Variants in KHDC4 observed in about 807,000 individuals in gnomAD.
KHDC4 encodes the protein KH domain containing 4, pre-mRNA splicing factor, also known as KH homology domain-containing protein 4.
In KHDC4, 19 loss-of-function variants were observed where a neutral mutation model predicts 74.5. The ratio of observed to expected loss-of-function variants is 0.26; its 90% CI spans 0.18 to 0.37. The LOEUF (loss-of-function observed/expected upper bound fraction) is 0.37. Among genes scored for constraint, KHDC4 ranks in the 10% least tolerant of loss-of-function variants. The pLI, the probability that KHDC4 is intolerant of heterozygous loss-of-function variation, is 1.00. For synonymous variants in KHDC4, 253 were observed against 266.1 expected, an observed-to-expected ratio of 0.95 and a Z score of 0.48; for missense variants, 632 against 754.1, an observed-to-expected ratio of 0.84 and a Z score of 1.90.
rs1009352433 is a variant in KHDC4, at chr1:155,914,188, A to G, written c.1778T>C (p.Leu593Ser). 16 of 1,614,082 alleles carry G rather than the reference A, an allele frequency of 9.9e-6. No individual in the cohort carries two copies. Among genetic ancestry groups the G allele is most frequent in the Admixed American group, 3.3e-5 (2 of 59,988 alleles). The part of the protein sequence containing the change: ...NASSFPQGWS[L>S]GYQYPSSQPR... ...TTGTGATGAAGGATATTGGTATCCC[A>G]AACTCCAGCCCTGTGGAAAACTACT... The change falls in exon 14 of 14, where the codon TTG becomes TCG. Residue 593 changes from leucine to serine, a missense_variant. By Grantham distance (145) the Leu-to-Ser change is moderately radical. This residue lies in a region of KHDC4 where 41 missense variants were observed against 66.0 expected (regional missense o/e 0.62). Transcript: ENST00000368321.
Position 155,913,962 on chromosome 1 carries a change from G to A in KHDC4, c.*159C>T. 1.6e-6 allele frequency: 1 copy of A among 613,798 alleles called. No homozygotes were observed. Among genetic ancestry groups the A allele is most frequent in the South Asian group, 2.1e-5 (1 of 48,410 alleles). The allele number at this position is 613,798 out of a possible 1,614,324, so 38.0% of individuals were successfully genotyped here. A position where few individuals can be genotyped will look rare whatever the true frequency, so the allele number is the denominator to read the frequency against. On this transcript the variant is annotated 3_prime_UTR_variant, in exon 14 of 14. Coordinates refer to ENST00000368321, the MANE Select transcript of KHDC4 (RefSeq NM_014949.4). ...CACTGCAGAAATAAGGATTTTTGTG[G>A]TTGTTAAGGAACCCCTTTAAGAAAG...
chr1:155,919,581 T>C (rs1271260415), intron 10 of KHDC4, among the ~76,000 whole-genome samples: 1 of 151,616 alleles, frequency 6.6e-6, no homozygotes, highest in African/African-American at 2.4e-5. Context: ...GAGTCTGAGG[T>C]GGGCGGATCA....
chr1:155,914,394 T>A, intron 13 of KHDC4, 74 bp from the exon 14 acceptor site: 1 of 1,217,556 alleles, frequency 8.2e-7, no homozygotes, highest in Non-Finnish European at 1.2e-6. Flanking sequence ...ATTCGTTAAT[T>A]AAAAAAAAGA....
intron 4 of KHDC4, among the ~76,000 whole-genome samples, chr1:155,927,835 CACA>C (rs1674046767): frequency 1.7e-3 from 16 of 9,218 alleles, no homozygotes; most frequent in African/African-American, 4.1e-3. Flanking sequence ...AAAAAAACCA[CACA>C]CACACACACA....
intron 2 of KHDC4, among the ~76,000 whole-genome samples, chr1:155,931,620 T>C (rs970014838): frequency 3.3e-5 from 5 of 152,160 alleles, no homozygotes; most frequent in Non-Finnish European, 7.3e-5. Context: ...AGACAGGGTT[T>C]CACCATGTTG....
chr1:155,932,026 T>C (rs1364128774), intron 2 of KHDC4, among the ~76,000 whole-genome samples: 2 of 152,202 alleles, frequency 1.3e-5, no homozygotes, highest in African/African-American at 2.4e-5. Context: ...CTAATGTGAC[T>C]AAAGGTCTAA....
intron 4 of KHDC4, among the ~76,000 whole-genome samples, chr1:155,928,243 G>A (rs535849947): frequency 2.0e-5 from 3 of 151,700 alleles, no homozygotes; most frequent in African/African-American, 4.8e-5. Context: ...GTGTGGTGGC[G>A]CATGCTTGTA....
At chr1:155,914,419 G>C in intron 13 of KHDC4, 99 bp from the exon 14 acceptor site, 1 of 1,002,488 alleles carries the variant, frequency 1.0e-6, no homozygotes. Flanking sequence ...AATTTTAAGT[G>C]GTTAGTTGGA....
Position 155,914,241 on chromosome 1 carries a change from C to G in KHDC4, c.1725G>C (p.Glu575Asp). 1 of 1,614,044 alleles carries G rather than the reference C, an allele frequency of 6.2e-7. No homozygotes were observed. Among genetic ancestry groups the G allele is most frequent in the Non-Finnish European group, 8.5e-7 (1 of 1,179,958 alleles). Residue 575 changes from glutamate to aspartate, a missense_variant, in exon 14 of 14, where the codon GAG (glutamate) becomes GAC (aspartate). By Grantham distance (45) the Glu-to-Asp change is conservative (BLOSUM62 2). Coordinates refer to ENST00000368321, the MANE Select transcript of KHDC4 (RefSeq NM_014949.4). ...CATTTTTATGACCTCCATGTTCCTC[C>G]TCTTCATCAGATGAATCTGCAGCAT... ...VAYAADSSDE[E>D]EEHGGHKNAS...
intron 5 of KHDC4, 40 bp from the exon 6 acceptor site, chr1:155,926,879 T>C (rs988135865): frequency 1.9e-5 from 30 of 1,605,268 alleles, no homozygotes; most frequent in Non-Finnish European, 2.6e-5. Context: ...TGGAATGAAC[T>C]GACTAGTGCC....
chr1:155,933,942 T>C, intron 1 of KHDC4, 93 bp from the exon 2 acceptor site: 3 of 1,003,206 alleles, frequency 3.0e-6, no homozygotes, highest in Non-Finnish European at 4.2e-6. Flanking sequence ...TTCCCTCTAT[T>C]ATATTCCATT....
chr1:155,926,669 A>G lies in KHDC4; in HGVS notation c.681+7T>C, dbSNP rs746054309. On this transcript the variant is annotated splice_region_variant and intron_variant, in intron 6 of 13. Coordinates refer to ENST00000368321, the MANE Select transcript of KHDC4 (RefSeq NM_014949.4). ...AATGCTATTAACGATCCCTCCCCAA[A>G]ACATACCCCTGACTGGAAGGGAGGC... 5.6e-6 allele frequency: 9 copies of G among 1,613,808 alleles called. No homozygotes were observed.
Position 155,925,735 on chromosome 1 carries a change from G to C in KHDC4, c.790C>G (p.Gln264Glu), listed in dbSNP as rs1673976574. 6.2e-7 allele frequency: 1 copy of C among 1,614,170 alleles called. No individual in the cohort carries two copies. Among genetic ancestry groups the C allele is most frequent in the Non-Finnish European group, 8.5e-7 (1 of 1,180,030 alleles). ...AAGACTTTGGCACCTGTTTCAATCT[G>C]AATGTGCTGCAAATAGGAGCAGCCT... ...GPGCSYLQHI[Q>E]IETGAKVFLR... Residue 264 changes from glutamine (Q) to glutamate (E), a missense_variant, in exon 7 of 14, where the codon CAG becomes GAG. By Grantham distance (29) the Gln-to-Glu change is conservative (BLOSUM62 2). Around this residue, in one of 4 missense-constraint regions of KHDC4, gnomAD observed 233 missense variants for 342.6 expected, o/e 0.68. Coordinates refer to ENST00000368321, the MANE Select transcript of KHDC4 (RefSeq NM_014949.4).
intron 13 of KHDC4, 27 bp downstream of exon 13, chr1:155,915,846 C>T: frequency 2.8e-6 from 4 of 1,441,472 alleles, no homozygotes; most frequent in Admixed American, 1.9e-5. Flanking sequence ...AGCCACTCCC[C>T]TGTTCCCCCA....
chr1:155,933,923 C>T, intron 1 of KHDC4, 74 bp from the exon 2 acceptor site: 1 of 1,213,264 alleles, frequency 8.2e-7, no homozygotes, highest in Non-Finnish European at 1.1e-6. Flanking sequence ...TACGCCTTAG[C>T]ACCCCATTTT....
intron 4 of KHDC4, 26 bp downstream of exon 4, chr1:155,929,270 C>T (rs1334325734): frequency 3.2e-6 from 5 of 1,546,050 alleles, no homozygotes; most frequent in Non-Finnish European, 4.5e-6. Context: ...CCAACCCTTC[C>T]ATAAACAAGA....
Position 155,914,048 on chromosome 1 carries a change from G to T in KHDC4, c.*73C>A. On this transcript the variant is annotated 3_prime_UTR_variant, in exon 14 of 14. Coordinates refer to ENST00000368321, the MANE Select transcript of KHDC4 (RefSeq NM_014949.4). ...GATGGTTCCCAGCACAGGCCCCAGAGTCTTGTTAAATCAAATGCATGCATT... is the reference window on the plus strand; with the variant it reads ...GATGGTTCCCAGCACAGGCCCCAGATTCTTGTTAAATCAAATGCATGCATT... The T allele has an allele frequency of 7.7e-7, 1 of 1,300,696 alleles. No individual in the cohort carries two copies. Among genetic ancestry groups the T allele is most frequent in the Non-Finnish European group, 1.1e-6 (1 of 896,460 alleles). 80.6% of individuals were successfully genotyped at this position (1,300,696 alleles called of 1,614,324 possible).
chr1:155,923,125 A>C (rs1189845661), intron 8 of KHDC4, among the ~76,000 whole-genome samples: 1 of 151,650 alleles, frequency 6.6e-6, no homozygotes, highest in Non-Finnish European at 1.5e-5. Flanking sequence ...GAATGGCGTG[A>C]ACCCGGGAGG....
intron 6 of KHDC4, chr1:155,926,116 A>G (rs773214293): frequency 4.8e-6 from 3 of 630,022 alleles, no homozygotes; most frequent in South Asian, 1.4e-5. Flanking sequence ...ACAAATTAAA[A>G]CCACTAACTT....
Sources: allele counts gnomAD v4.1 joint callset (sites outside exome capture counted in the v4.1 genomes callset), GRCh38; gene constraint gnomAD v4.1.1; regional missense constraint gnomAD v4.1.1; transcripts MANE v1.5; gene names NCBI Gene and HGNC (gene_info 2026-07-23, HGNC 2026-07-21).